The following MBTD1 variants were observed in gnomAD, a reference collection of about 807,000 sequenced individuals.
The protein encoded by MBTD1 is mbt domain containing 1.
In MBTD1, 24 loss-of-function variants were observed where a neutral mutation model predicts 87.8. The ratio of observed to expected loss-of-function variants is 0.27; its 90% CI spans 0.20 to 0.38. The LOEUF (loss-of-function observed/expected upper bound fraction) is 0.38. MBTD1 is among the 10% of genes least tolerant of loss of function. MBTD1 has a pLI of 1.00. For synonymous variants in MBTD1, 237 were observed against 248.6 expected, an observed-to-expected ratio of 0.95 and a Z score of 0.44; for missense variants, 436 against 760.2, an observed-to-expected ratio of 0.57 and a Z score of 5.02.
intron 6 of MBTD1, 60 bp from the exon 7 acceptor site, chr17:51,207,065 T>C: frequency 1.1e-6 from 1 of 898,448 alleles, no homozygotes; most frequent in Non-Finnish European, 1.8e-6. Context: ...AACATATCAA[T>C]GAAAATTAAG....
chr17:51,260,597 CGGA>C, upstream of MBTD1: 1 of 1,612,296 alleles, frequency 6.2e-7, no homozygotes, highest in Non-Finnish European at 8.5e-7. Context: ...GCCGCCGGAG[CGGA>C]GGAGACGAAT....
At chr17:51,245,209 T>A (rs941398583) in intron 2 of MBTD1, among the ~76,000 whole-genome samples, 3 of 152,186 alleles carry the variant, frequency 2.0e-5, no homozygotes, top group Admixed American at 6.5e-5. Context: ...CCTAGAGGAT[T>A]TTTTTGTTAT....
At chr17:51,256,656 CA>C (rs2055107060) in intron 2 of MBTD1, 1 of 152,142 alleles carries the variant, frequency 6.6e-6, no homozygotes, top group Admixed American at 6.6e-5. Context: ...TTGCCTAAAA[CA>C]GCAAAATTAA....
chr17:51,196,381 G>A (rs1163659827), intron 12 of MBTD1, among the ~76,000 whole-genome samples: 1 of 151,694 alleles, frequency 6.6e-6, no homozygotes, highest in Middle Eastern at 3.4e-3. Flanking sequence ...GGGCCACCAC[G>A]CCCAGCTAAT....
intron 2 of MBTD1, among the ~76,000 whole-genome samples, chr17:51,239,288 ATTAAAT>A (rs1356006788): frequency 6.6e-6 from 1 of 152,200 alleles, no homozygotes; most frequent in Non-Finnish European, 1.5e-5. Flanking sequence ...AACTTAATTC[ATTAAAT>A]TTAAATTACT....
chr17:51,200,594 T>C (rs935613916), intron 12 of MBTD1, among the ~76,000 whole-genome samples: 1 of 138,310 alleles, frequency 7.2e-6, no homozygotes, highest in African/African-American at 2.8e-5. Context: ...CCACGTACGG[T>C]GGCTCATGCC....
At position 51,182,899 on chromosome 17, in the gene MBTD1, T is replaced by C. The variant is rs535996416; in HGVS notation, c.1769-2205A>G. Among the ~76,000 whole-genome samples the C allele has an allele frequency of 1.3e-4, 20 of 152,302 alleles. No homozygotes were observed. In the South Asian group the frequency reaches 2.1e-3, roughly 16 times the overall value. On this transcript the variant is annotated intron_variant, in intron 16 of 16. Coordinates refer to ENST00000586178, the MANE Select transcript of MBTD1 (RefSeq NM_017643.3). ...ATGGCAGTGTCATCATGTGGAACAA[T>C]ATTAAAATTGCTACAACTTTTAAAG...
chr17:51,254,174 T>C (rs898697738), intron 2 of MBTD1, among the ~76,000 whole-genome samples: 1 of 152,216 alleles, frequency 6.6e-6, no homozygotes. Context: ...CAGAGATTAA[T>C]ACATACTCTA....
upstream of MBTD1, chr17:51,260,572 C>A (rs780801096): frequency 6.2e-7 from 1 of 1,610,034 alleles, no homozygotes; most frequent in Non-Finnish European, 8.5e-7. Flanking sequence ...TGCGTTTCTC[C>A]TCAAACCTAA....
intron 6 of MBTD1, among the ~76,000 whole-genome samples, chr17:51,211,753 T>TA (rs1216731014): frequency 3.3e-5 from 5 of 150,926 alleles, no homozygotes; most frequent in South Asian, 4.2e-4. Context: ...TAACCTTTAA[T>TA]AGAGTCCTGT....
At chr17:51,245,793 C>T (rs1010424921) in intron 2 of MBTD1, among the ~76,000 whole-genome samples, 5 of 152,112 alleles carry the variant, frequency 3.3e-5, no homozygotes, top group Middle Eastern at 3.4e-3. Context: ...GAGCTAGATA[C>T]CCCCTCAAAA....
At chr17:51,236,678 G>T (rs2053856726) in intron 2 of MBTD1, among the ~76,000 whole-genome samples, 1 of 152,074 alleles carries the variant, frequency 6.6e-6, no homozygotes, top group Non-Finnish European at 1.5e-5. Context: ...GCCCTCACAG[G>T]CCTACCTCCA....
At chr17:51,201,758 ATT>A in intron 11 of MBTD1, 62 bp from the exon 12 acceptor site, 2 of 1,143,670 alleles carry the variant, frequency 1.7e-6, no homozygotes, top group Non-Finnish European at 2.6e-6. Context: ...TAATTAAAAT[ATT>A]ACCAATGTGA....
chr17:51,219,199 AT>A (rs34968013), intron 4 of MBTD1, among the ~76,000 whole-genome samples, 155 bp from the exon 5 acceptor site: 1 of 152,058 alleles, frequency 6.6e-6, no homozygotes, highest in African/African-American at 2.4e-5. Flanking sequence ...TAACATGAGA[AT>A]TTTTTTCTGG....
chr17:51,256,167 T>A (rs1343511642), intron 2 of MBTD1: 2 of 152,248 alleles, frequency 1.3e-5, no homozygotes, highest in African/African-American at 4.8e-5. Context: ...TTGTCTCATC[T>A]TTTATAGCAG....
rs1175406631 is a variant in MBTD1 at position 51,179,704 on chromosome 17, G to A, written c.*872C>T. 6.6e-6 allele frequency: 1 copy of A among 151,000 alleles called. No homozygotes were observed. Among genetic ancestry groups the A allele is most frequent in the African/African-American group, 2.4e-5 (1 of 41,094 alleles). 9.4% of individuals were successfully genotyped at this position (151,000 alleles called of 1,614,324 possible). A position where few individuals can be genotyped will look rare whatever the true frequency, so the allele number is the denominator to read the frequency against. ...CATCTGTTTTTGGTTGTGGTTATAC[G>A]AAGCTGTTATTTCACAGATAGAGGG... On this transcript the variant is annotated 3_prime_UTR_variant, in exon 17 of 17. Coordinates refer to ENST00000586178, the MANE Select transcript of MBTD1 (RefSeq NM_017643.3).
chr17:51,197,978 C>A (rs984818025), intron 12 of MBTD1, among the ~76,000 whole-genome samples: 1 of 152,106 alleles, frequency 6.6e-6, no homozygotes, highest in Non-Finnish European at 1.5e-5. Context: ...ACCTCATCCA[C>A]CCCAGTGCTA....
chr17:51,218,487 C>A (rs1430953766), intron 5 of MBTD1, among the ~76,000 whole-genome samples: 1 of 149,672 alleles, frequency 6.7e-6, no homozygotes, highest in Non-Finnish European at 1.5e-5. Context: ...CGAGATCACG[C>A]CACTGAACTC....
At chr17:51,223,647 C>T (rs1450277067) in intron 3 of MBTD1, among the ~76,000 whole-genome samples, 1 of 151,996 alleles carries the variant, frequency 6.6e-6, no homozygotes, top group Non-Finnish European at 1.5e-5. Context: ...ACCGGCCTGG[C>T]CAATATGGTG....
Sources: gnomAD v4.1 joint callset for allele counts (sites outside exome capture counted in the v4.1 genomes callset) on GRCh38, gnomAD v4.1.1 for gene constraint, MANE v1.5 for transcripts, NCBI Gene and HGNC (gene_info 2026-07-23, HGNC 2026-07-21) for gene names.